LRRC49: variants seen among roughly 807,000 people sequenced by gnomAD.
LRRC49 encodes the protein leucine rich repeat containing 49.
A neutral mutation model predicts 83.3 loss-of-function variants in LRRC49; 50 were observed. The observed-to-expected ratio is 0.60, with a 90% CI of 0.48 to 0.76. The LOEUF (loss-of-function observed/expected upper bound fraction) is 0.76. Among genes scored for constraint, LRRC49 ranks in the 30% least tolerant of loss-of-function variants. The pLI, the probability that LRRC49 is intolerant of heterozygous loss-of-function variation, is 0.00. For synonymous variants in LRRC49, 286 were observed against 283.3 expected, an observed-to-expected ratio of 1.01 and a Z score of -0.10; for missense variants, 704 against 809.1, an observed-to-expected ratio of 0.87 and a Z score of 1.58.
At position 70,904,569 on chromosome 15, in the gene LRRC49, G is replaced by A. The variant is rs2034220419; in HGVS notation, c.314G>A (p.Cys105Tyr). 6.2e-7 allele frequency: 1 copy of A among 1,612,874 alleles called. No homozygotes were observed. Among genetic ancestry groups the A allele is most frequent in the Admixed American group, 1.7e-5 (1 of 59,980 alleles). ...TTTTCTAGACAAAAGCTGACCGTAT[G>A]TCCTATCATCAATGGGGAAGACCAC... ...LSLERQKLTV[C>Y]PIINGEDHLR... The change falls in exon 5 of 16, where the codon TGT (cysteine) becomes TAT (tyrosine). Residue 105 changes from cysteine (C) to tyrosine (Y), a missense_variant. Transcript: ENST00000260382.
chr15:70,861,873 C>A (rs1486182745), intron 1 of LRRC49, among the ~76,000 whole-genome samples: 1 of 151,868 alleles, frequency 6.6e-6, no homozygotes, highest in Non-Finnish European at 1.5e-5. Flanking sequence ...TGCAGTGAGC[C>A]AAGATCACAC....
At chr15:70,882,091 T>G (rs560018074) in intron 2 of LRRC49, 3 of 182,844 alleles carry the variant, frequency 1.6e-5, no homozygotes, top group Non-Finnish European at 3.4e-5. Context: ...GTAGGGATAT[T>G]CTAACTAGCA....
At chr15:70,871,496 C>G (rs919652604) in intron 1 of LRRC49, among the ~76,000 whole-genome samples, 1 of 152,196 alleles carries the variant, frequency 6.6e-6, no homozygotes, top group African/African-American at 2.4e-5. Context: ...GGCGGCCGGG[C>G]AGAGGGGCTC....
intron 2 of LRRC49, chr15:70,894,484 T>C: frequency 2.3e-6 from 1 of 427,818 alleles, no homozygotes; most frequent in South Asian, 2.1e-5. Flanking sequence ...CCATAATGTC[T>C]CTAGCATTTC....
At chr15:70,930,566 T>A (rs2035369785) in intron 7 of LRRC49, among the ~76,000 whole-genome samples, 1 of 152,232 alleles carries the variant, frequency 6.6e-6, no homozygotes, top group Non-Finnish European at 1.5e-5. Flanking sequence ...GCATGTGTTT[T>A]GAAGCTTTGA....
chr15:70,937,243 T>G (rs1271599305), intron 8 of LRRC49, among the ~76,000 whole-genome samples: 1 of 152,232 alleles, frequency 6.6e-6, no homozygotes, highest in East Asian at 1.9e-4. Flanking sequence ...ACTTGCTAAT[T>G]AGGCCAAATT....
chr15:71,042,974 A>G (rs564531983), intron 15 of LRRC49, among the ~76,000 whole-genome samples: 16 of 152,126 alleles, frequency 1.1e-4, no homozygotes. Flanking sequence ...TTTCTTGACC[A>G]CCCTAGTGCA....
chr15:70,993,519 ACTGC>A (rs2037970413), intron 11 of LRRC49, among the ~76,000 whole-genome samples: 1 of 152,196 alleles, frequency 6.6e-6, no homozygotes, highest in South Asian at 2.1e-4. Context: ...CCATCTTGGA[ACTGC>A]CTGGCCTAGT....
At chr15:70,984,768 A>G (rs1196409777) in intron 11 of LRRC49, among the ~76,000 whole-genome samples, 1 of 132,378 alleles carries the variant, frequency 7.6e-6, no homozygotes, top group Non-Finnish European at 1.6e-5. Flanking sequence ...TCCTAAAGCT[A>G]TCCCTCCCCC....
intron 4 of LRRC49, among the ~76,000 whole-genome samples, chr15:70,903,804 T>C (rs2034184349): frequency 6.6e-6 from 1 of 152,180 alleles, no homozygotes. Context: ...CCTGAACTTA[T>C]TTACTTCACG....
At chr15:70,891,774 G>A, upstream of LRRC49, 14 of 1,368,640 alleles carry the variant, frequency 1.0e-5, no homozygotes, top group Non-Finnish European at 1.3e-5. Flanking sequence ...CTTTCCCAAG[G>A]TGACACTAAG....
intron 14 of LRRC49, among the ~76,000 whole-genome samples, chr15:71,036,180 G>T (rs1434534646): frequency 6.6e-6 from 1 of 152,078 alleles, no homozygotes; most frequent in Admixed American, 6.5e-5. Context: ...CCCACTTTTT[G>T]ATGGGGTTGT....
At chr15:71,045,773 G>A (rs983936592) in intron 15 of LRRC49, among the ~76,000 whole-genome samples, 5 of 151,958 alleles carry the variant, frequency 3.3e-5, no homozygotes, top group African/African-American at 7.3e-5. Flanking sequence ...ATTATGTGAT[G>A]CTGGGGTTTG....
rs1055688566 is a variant in LRRC49 at position 70,918,772 on chromosome 15, C to T, written c.568-278C>T. Reference sequence around the variant, plus strand: ...CACAGAACCTGGGACAGACTGGGCACGTAAAGTTGCCCAATGGACTCATTG... The same window carrying T: ...CACAGAACCTGGGACAGACTGGGCATGTAAAGTTGCCCAATGGACTCATTG... On this transcript the variant is annotated intron_variant, in intron 6 of 15. Transcript: ENST00000260382. 2.0e-4 allele frequency: 53 copies of T among 262,570 alleles called. No homozygotes were observed. In the Admixed American group the frequency reaches 2.5e-3, roughly 12 times the overall value. 16.3% of individuals were successfully genotyped at this position (262,570 alleles called of 1,614,324 possible). A position where few individuals can be genotyped will look rare whatever the true frequency, so the allele number is the denominator to read the frequency against.
At chr15:70,900,554 C>T in intron 3 of LRRC49, 1 of 457,452 alleles carries the variant, frequency 2.2e-6, no homozygotes, top group South Asian at 1.5e-5. Context: ...TCCAGCAGGG[C>T]TGTCATAGTG....
chr15:70,894,687 A>G (rs1276964035), intron 2 of LRRC49: 1 of 1,117,090 alleles, frequency 9.0e-7, no homozygotes, highest in Non-Finnish European at 1.2e-6. Context: ...CTAAAAAGTT[A>G]TTAAATAGGC....
At chr15:70,919,262 A>G in intron 7 of LRRC49, 69 bp downstream of exon 7, 4 of 1,337,892 alleles carry the variant, frequency 3.0e-6, no homozygotes, top group Non-Finnish European at 4.1e-6. Flanking sequence ...AAATGTTGTA[A>G]TATGGCTTTC....
At chr15:70,954,010 T>A (rs1379346335) in intron 8 of LRRC49, among the ~76,000 whole-genome samples, 2 of 152,104 alleles carry the variant, frequency 1.3e-5, no homozygotes, top group Admixed American at 1.3e-4. Flanking sequence ...TTCTCCAGCC[T>A]CAGTCTCCCG....
intron 14 of LRRC49, among the ~76,000 whole-genome samples, chr15:71,018,077 T>C (rs2038882589): frequency 6.6e-6 from 1 of 152,080 alleles, no homozygotes; most frequent in Admixed American, 6.6e-5. Flanking sequence ...GGGAGAAAGA[T>C]TGAGGTAAAT....
Sources: allele counts gnomAD v4.1 joint callset (sites outside exome capture counted in the v4.1 genomes callset), GRCh38; gene constraint gnomAD v4.1.1; transcripts MANE v1.5; gene names NCBI Gene and HGNC (gene_info 2026-07-23, HGNC 2026-07-21).